Variants in SMIM13 observed in about 807,000 individuals in gnomAD.
SMIM13 encodes UPF0766 protein C6orf228.
In SMIM13, 3 loss-of-function variants were observed where a neutral mutation model predicts 5.9. The ratio of observed to expected loss-of-function variants is 0.51; its 90% CI spans 0.23 to 1.31. The LOEUF (loss-of-function observed/expected upper bound fraction) is 1.31. Among genes scored for constraint, SMIM13 ranks in the 40% most tolerant of loss-of-function variants. The pLI is 0.18. For missense variants in SMIM13, 85 were observed against 109.9 expected (o/e 0.77, Z 1.01); for synonymous variants, 55 against 46.0 (o/e 1.19, Z -0.79).
At chr6:11,100,861 T>C (rs1442571674) in intron 1 of SMIM13, among the ~76,000 whole-genome samples, 2 of 152,164 alleles carry the variant, frequency 1.3e-5, no homozygotes, top group Non-Finnish European at 2.9e-5. Flanking sequence ...TTGGTTTCTC[T>C]TTCAAGATGC....
intron 1 of SMIM13, among the ~76,000 whole-genome samples, chr6:11,115,935 C>G (rs185824043): frequency 6.6e-6 from 1 of 150,974 alleles, no homozygotes; most frequent in African/African-American, 2.4e-5. Flanking sequence ...GATCCAACTG[C>G]TTCGGCCTCC....
intron 1 of SMIM13, among the ~76,000 whole-genome samples, chr6:11,123,816 A>G (rs1442021950): frequency 2.0e-5 from 3 of 152,218 alleles, no homozygotes; most frequent in Admixed American, 6.5e-5. Context: ...TGTGTTGGAA[A>G]CATTTCAAAT....
intron 1 of SMIM13, among the ~76,000 whole-genome samples, chr6:11,097,686 C>G (rs1054201293): frequency 5.3e-4 from 80 of 150,156 alleles, no homozygotes; most frequent in African/African-American, 1.8e-3. Flanking sequence ...AAAAAAAAAC[C>G]TTATCTCCAA....
intron 1 of SMIM13, among the ~76,000 whole-genome samples, chr6:11,102,009 A>T (rs1758000969): frequency 6.6e-6 from 1 of 152,202 alleles, no homozygotes. Context: ...AAGTGCTGGG[A>T]TTACAGGTGT....
At chr6:11,105,625 T>C in intron 1 of SMIM13, 1 of 293,470 alleles carries the variant, frequency 3.4e-6, no homozygotes, top group Non-Finnish European at 6.8e-6. Flanking sequence ...TCCAGTACTG[T>C]AATGGCTGTA....
chr6:11,104,247 A>G, intron 1 of SMIM13: 1 of 1,551,702 alleles, frequency 6.4e-7, no homozygotes, highest in Non-Finnish European at 8.7e-7. Flanking sequence ...GAGAAGGGGA[A>G]TGAAATGGAT....
At position 11,135,491 on chromosome 6, in the gene SMIM13, T is replaced by C. The variant is rs1311410624; in HGVS notation, c.*889T>C. 2 of 152,636 alleles carry C rather than the reference T, an allele frequency of 1.3e-5. No individual in the cohort carries two copies. Among genetic ancestry groups the C allele is most frequent in the African/African-American group, 2.4e-5 (1 of 41,458 alleles). 9.5% of individuals were successfully genotyped at this position (152,636 alleles called of 1,614,324 possible). On this transcript the variant is annotated 3_prime_UTR_variant, in exon 2 of 2. Coordinates refer to ENST00000416247, the MANE Select transcript of SMIM13 (RefSeq NM_001135575.2). ...GACCGATTCATGCGTCGAGCAGGAC[T>C]ATCATTAAGGCATCAAACATCGTTT...
chr6:11,132,785 G>A (rs2113670636), intron 1 of SMIM13, among the ~76,000 whole-genome samples: 1 of 152,282 alleles, frequency 6.6e-6, no homozygotes, highest in South Asian at 2.1e-4. Flanking sequence ...GGGATGGGGA[G>A]TGACTGTTAA....
At chr6:11,119,515 G>A (rs1581918124) in intron 1 of SMIM13, among the ~76,000 whole-genome samples, 3 of 152,132 alleles carry the variant, frequency 2.0e-5, no homozygotes, top group Admixed American at 6.5e-5. Flanking sequence ...TTAGCCAGGC[G>A]TGGTGGCGGG....
rs1179244770 is a variant in SMIM13 at position 11,136,320 on chromosome 6, G to A, written c.*1718G>A. 6.6e-6 allele frequency: 1 copy of A among 152,202 alleles called. No individual in the cohort carries two copies. The highest frequency in any genetic ancestry group is 6.5e-5 in the Admixed American group (1 of 15,274). The allele number at this position is 152,202 out of a possible 1,614,324, so 9.4% of individuals were successfully genotyped here. On this transcript the variant is annotated 3_prime_UTR_variant, in exon 2 of 2. Transcript: ENST00000416247. ...TGGGCTGAGTGTTTACCAGGGAGAA[G>A]AGATGTGAATTAAACAACCTTCCTG...
rs541518743 is a variant in SMIM13 at position 11,138,039 on chromosome 6, T to G, written c.*3437T>G. 12 of 152,302 alleles carry G rather than the reference T, an allele frequency of 7.9e-5. No individual in the cohort carries two copies. The East Asian group carries it at 2.3e-3, about 29-fold the overall frequency. 9.4% of individuals were successfully genotyped at this position (152,302 alleles called of 1,614,324 possible). A position where few individuals can be genotyped will look rare whatever the true frequency, so the allele number is the denominator to read the frequency against. ...TTTGAAAGTGGTGCATTTTTACTTT[T>G]AAGAGCAGCAATCTTTGAAATTAGT... On this transcript the variant is annotated 3_prime_UTR_variant, in exon 2 of 2. Transcript: ENST00000416247.
intron 1 of SMIM13, among the ~76,000 whole-genome samples, chr6:11,121,388 A>G (rs894942014): frequency 3.9e-5 from 6 of 152,186 alleles, no homozygotes; most frequent in African/African-American, 1.4e-4. Flanking sequence ...AGTCCGCTGT[A>G]GGCATGCAGG....
intron 1 of SMIM13, among the ~76,000 whole-genome samples, chr6:11,127,266 G>A (rs1016532020): frequency 2.6e-5 from 4 of 152,194 alleles, no homozygotes; most frequent in Admixed American, 2.0e-4. Flanking sequence ...AGAGCCAGGA[G>A]TTGGGAAACT....
chr6:11,106,459 A>G (rs1182233305), intron 1 of SMIM13, among the ~76,000 whole-genome samples: 1 of 152,202 alleles, frequency 6.6e-6, no homozygotes, highest in Non-Finnish European at 1.5e-5. Flanking sequence ...TCCCTCCCCC[A>G]CTGAACACTG....
chr6:11,110,237 T>C (rs148470633), intron 1 of SMIM13, among the ~76,000 whole-genome samples: 5 of 152,298 alleles, frequency 3.3e-5, no homozygotes, highest in Non-Finnish European at 7.4e-5. Context: ...TCCCATCCCA[T>C]TTCTGGACCA....
At chr6:11,111,306 A>G (rs1395358931) in intron 1 of SMIM13, among the ~76,000 whole-genome samples, 1 of 152,228 alleles carries the variant, frequency 6.6e-6, no homozygotes, top group East Asian at 1.9e-4. Context: ...TCATTTTGGA[A>G]TACATACAGA....
In SMIM13 at chr6:11,095,238, G is replaced by A. The variant is rs113835350; in HGVS notation, c.76+849G>A. Among the ~76,000 whole-genome samples the A allele has an allele frequency of 2.6e-3, 400 of 152,330 alleles. 1 individual carries two copies. Among genetic ancestry groups the A allele is most frequent in the African/African-American group, 9.3e-3 (388 of 41,568 alleles). On this transcript the variant is annotated intron_variant, in intron 1 of 1. Transcript: ENST00000416247. ...TCAGAATTCATACAGATACTATAGG[G>A]CTTGTTCATTACACGATAAATGTAC...
intron 1 of SMIM13, among the ~76,000 whole-genome samples, chr6:11,124,834 G>A (rs1758355892): frequency 6.6e-6 from 1 of 152,046 alleles, no homozygotes; most frequent in South Asian, 2.1e-4. Flanking sequence ...TTTCTTTCAG[G>A]TTGAAGAACT....
intron 1 of SMIM13, chr6:11,104,737 AC>A: frequency 6.2e-7 from 1 of 1,614,214 alleles, no homozygotes; most frequent in Non-Finnish European, 8.5e-7. Context: ...CCCTGGCAAA[AC>A]CGGCTGGATT....
Sources: allele counts gnomAD v4.1 joint callset (sites outside exome capture counted in the v4.1 genomes callset), GRCh38; gene constraint gnomAD v4.1.1; transcripts MANE v1.5; gene names NCBI Gene and HGNC (gene_info 2026-07-23, HGNC 2026-07-21).